Variants in SDK1 observed in about 807,000 individuals in gnomAD.
The protein encoded by SDK1 is protein sidekick-1.
SDK1 carries 157 observed loss-of-function variants against 245.5 expected under a neutral mutation model. The observed-to-expected ratio is 0.64, with a 90% confidence interval of 0.56 to 0.73. The LOEUF (loss-of-function observed/expected upper bound fraction) is 0.73. Among genes scored for constraint, SDK1 ranks in the 30% least tolerant of loss-of-function variants. The pLI is 0.00. For missense variants in SDK1, 3,583 were observed against 3,002.3 expected, an observed-to-expected ratio of 1.19 and a Z score of -4.52; for synonymous variants, 1,647 against 1,278.5, an observed-to-expected ratio of 1.29 and a Z score of -6.15.
chr7:3,723,701 T>TACAC, intron 4 of SDK1, among the ~76,000 whole-genome samples: 1 of 151,114 alleles, frequency 6.6e-6, no homozygotes, highest in African/African-American at 2.4e-5. Flanking sequence ...TACACGTACA[T>TACAC]ATACATATAC....
At chr7:3,371,044 C>T (rs1356832197) in intron 1 of SDK1, among the ~76,000 whole-genome samples, 1 of 152,092 alleles carries the variant, frequency 6.6e-6, no homozygotes, top group Non-Finnish European at 1.5e-5. Context: ...GAGGAAGAGC[C>T]GTGCATCCCC....
chr7:3,436,354 A>G (rs1433512740), intron 1 of SDK1, among the ~76,000 whole-genome samples: 1 of 152,170 alleles, frequency 6.6e-6, no homozygotes, highest in African/African-American at 2.4e-5. Context: ...GTTTTCATTG[A>G]ACTTAAGCTT....
intron 1 of SDK1, among the ~76,000 whole-genome samples, chr7:3,407,345 G>T (rs1779081790): frequency 6.6e-6 from 1 of 152,200 alleles, no homozygotes; most frequent in African/African-American, 2.4e-5. Context: ...AAGGTCTCTT[G>T]CATGATGCTA....
At position 3,693,710 on chromosome 7, in the gene SDK1, A is replaced by G. The variant is rs1429403911; in HGVS notation, c.713+51605A>G. Reference sequence around the variant, plus strand: ...CATCAACTAAGTGCAAGATAGTGACAGGAGGTCTAGTTTCACATCCCTGGA... The same window carrying G: ...CATCAACTAAGTGCAAGATAGTGACGGGAGGTCTAGTTTCACATCCCTGGA... On this transcript the variant is annotated intron_variant, in intron 4 of 44. Coordinates refer to ENST00000404826, the MANE Select transcript of SDK1 (RefSeq NM_152744.4). Among the ~76,000 whole-genome samples, 6 of 152,308 alleles carry G rather than the reference A, an allele frequency of 3.9e-5. No homozygotes were observed. The East Asian group carries it at 1.2e-3, about 29-fold the overall frequency.
At chr7:4,149,586 C>T (rs1259972051) in intron 30 of SDK1, 123 bp downstream of exon 30, 2 of 604,642 alleles carry the variant, frequency 3.3e-6, no homozygotes, top group Non-Finnish European at 5.2e-6. Flanking sequence ...GCACAGGCCC[C>T]CTTTCTTTTT....
intron 2 of SDK1, among the ~76,000 whole-genome samples, chr7:3,630,454 A>C (rs944335006): frequency 3.9e-5 from 6 of 152,224 alleles, no homozygotes; most frequent in African/African-American, 1.4e-4. Context: ...ACTAGCAAAC[A>C]AATCTGAAAA....
chr7:3,641,352 C>G (rs1316480623), intron 3 of SDK1, among the ~76,000 whole-genome samples: 2 of 152,092 alleles, frequency 1.3e-5, no homozygotes, highest in African/African-American at 4.8e-5. Context: ...TCCTATGACC[C>G]CATTTTTTAA....
At chr7:3,753,282 A>G (rs1459970812) in intron 4 of SDK1, among the ~76,000 whole-genome samples, 1 of 152,192 alleles carries the variant, frequency 6.6e-6, no homozygotes, top group African/African-American at 2.4e-5. Context: ...CCTGGAATCT[A>G]TTGCTATTAA....
chr7:4,246,798 G>T (rs1786895664), intron 44 of SDK1, among the ~76,000 whole-genome samples: 1 of 152,096 alleles, frequency 6.6e-6, no homozygotes, highest in South Asian at 2.1e-4. Context: ...AGGACCCCAG[G>T]GCCTACCCGC....
intron 1 of SDK1, among the ~76,000 whole-genome samples, chr7:3,479,300 T>C (rs1011275529): frequency 1.3e-5 from 2 of 151,334 alleles, no homozygotes; most frequent in South Asian, 2.1e-4. Flanking sequence ...TGTGTGCCTG[T>C]AGTCCCAGCT....
At chr7:3,349,669 G>A (rs1780605200) in intron 1 of SDK1, among the ~76,000 whole-genome samples, 1 of 151,874 alleles carries the variant, frequency 6.6e-6, no homozygotes, top group African/African-American at 2.4e-5. Flanking sequence ...GTAAGATCTC[G>A]GCTCACTGCA....
intron 5 of SDK1, among the ~76,000 whole-genome samples, chr7:3,867,892 C>T (rs1405454147): frequency 1.3e-5 from 2 of 151,280 alleles, no homozygotes; most frequent in East Asian, 3.9e-4. Flanking sequence ...TGAACATGTT[C>T]TTTTTTTTTC....
At chr7:3,474,532 T>A (rs1037771553) in intron 1 of SDK1, among the ~76,000 whole-genome samples, 1 of 152,112 alleles carries the variant, frequency 6.6e-6, no homozygotes, top group African/African-American at 2.4e-5. Context: ...TTTAACAGTC[T>A]TCTATCACAT....
At chr7:3,629,510 G>C (rs545889850) in intron 2 of SDK1, among the ~76,000 whole-genome samples, 4 of 152,102 alleles carry the variant, frequency 2.6e-5, no homozygotes, top group African/African-American at 7.2e-5. Flanking sequence ...CGGAGTGTCT[G>C]TTCTCACCAG....
intron 44 of SDK1, among the ~76,000 whole-genome samples, chr7:4,248,534 A>G (rs1214152631): frequency 6.6e-6 from 1 of 152,152 alleles, no homozygotes; most frequent in African/African-American, 2.4e-5. Flanking sequence ...ACGTACACAT[A>G]CACACATGCA....
chr7:4,143,105 C>T (rs1779692918), intron 28 of SDK1, among the ~76,000 whole-genome samples: 1 of 152,178 alleles, frequency 6.6e-6, no homozygotes, highest in Non-Finnish European at 1.5e-5. Flanking sequence ...GGGGGTGTCA[C>T]TCCTCAGGGC....
chr7:3,744,703 T>TCGGGAGG (rs1282976111), intron 4 of SDK1, among the ~76,000 whole-genome samples: 11 of 151,888 alleles, frequency 7.2e-5, no homozygotes, highest in African/African-American at 2.7e-4. Context: ...TCTCAGCTAC[T>TCGGGAGG]CGGGAGGCTG....
At chr7:3,797,792 C>G (rs927708505) in intron 4 of SDK1, among the ~76,000 whole-genome samples, 1 of 152,090 alleles carries the variant, frequency 6.6e-6, no homozygotes, top group Non-Finnish European at 1.5e-5. Context: ...AACTGTTTCT[C>G]TCCTGTTGAT....
Position 4,262,735 on chromosome 7 carries a change from A to G in SDK1, c.6382-2389A>G, listed in dbSNP as rs866494311. On this transcript the variant is annotated intron_variant, in intron 44 of 44. Transcript: ENST00000404826. ...TCCCCCATCCCCTCCCTTCTACTTA[A>G]TCACACCCCACCCCCTCCCCTCCCC... is the stretch of plus-strand genomic sequence containing the variant. Among the ~76,000 whole-genome samples the G allele has an allele frequency of 5.7e-3, 366 of 64,446 alleles. 5 individuals carry two copies. The highest frequency in any genetic ancestry group is 0.022 in the African/African-American group (337 of 15,394). 42.3% of individuals were successfully genotyped at this position (64,446 alleles called of 152,430 possible). A position where few individuals can be genotyped will look rare whatever the true frequency, so the allele number is the denominator to read the frequency against.
Sources: allele counts gnomAD v4.1 joint callset (sites outside exome capture counted in the v4.1 genomes callset), GRCh38; gene constraint gnomAD v4.1.1; transcripts MANE v1.5; gene names NCBI Gene and HGNC (gene_info 2026-07-23, HGNC 2026-07-21).